PRDM13: variants seen among roughly 807,000 people sequenced by gnomAD.
PRDM13 encodes PR domain zinc finger protein 13.
Under a neutral mutation model 36.4 loss-of-function variants are expected in PRDM13, and 15 were observed. The observed-to-expected ratio is 0.41, with a 90% CI of 0.28 to 0.64. The LOEUF is 0.64. Ranked by LOEUF, PRDM13 falls within the 30% of genes least tolerant of loss-of-function variation. PRDM13 has a pLI of 0.29. For synonymous variants in PRDM13, 531 were observed against 467.7 expected, an observed-to-expected ratio of 1.14 and a Z score of -1.75; for missense variants, 1,044 against 1,013.5, an observed-to-expected ratio of 1.03 and a Z score of -0.41.
In PRDM13 at chr6:99,613,869, G is replaced by T; in HGVS notation, c.1234G>T (p.Ala412Ser). The T allele has an allele frequency of 3.3e-6, 5 of 1,512,980 alleles. No individual in the cohort carries two copies. Among genetic ancestry groups the T allele is most frequent in the Non-Finnish European group, 4.4e-6 (5 of 1,137,938 alleles). 93.7% of individuals were successfully genotyped at this position (1,512,980 alleles called of 1,614,324 possible). Residue 412 changes from alanine (A) to serine (S), a missense_variant, in exon 4 of 4, where the codon GCC (alanine) becomes TCC (serine). Around this residue, in one of 3 missense-constraint regions of PRDM13, gnomAD observed 921 missense variants for 865.2 expected, o/e 1.06. Coordinates refer to ENST00000369215, the MANE Select transcript of PRDM13 (RefSeq NM_021620.4). This position sits in a 1 kb window ranked among gnomAD's most constrained non-coding sequence, Gnocchi z 6.1. ...FKHVERAPPA[A>S]AALPGARYAQ... ...GCACGTGGAGCGCGCCCCGCCCGCA[G>T]CCGCCGCGCTGCCAGGAGCGCGTTA...
Position 99,614,867 on chromosome 6 carries a change from G to T in PRDM13, c.*108G>T, listed in dbSNP as rs972647151. On this transcript the variant is annotated 3_prime_UTR_variant, in exon 4 of 4. Coordinates refer to ENST00000369215, the MANE Select transcript of PRDM13 (RefSeq NM_021620.4). The stretch of plus-strand genomic sequence containing the variant: ...GAAGAGGGACCCAATGGACAAAACC[G>T]TTTTTGTTTTTGAGAGGGCGCCAGA... 73 of 1,392,826 alleles carry T rather than the reference G, an allele frequency of 5.2e-5. 1 individual carries two copies. In the African/African-American group the frequency reaches 9.1e-4, roughly 17 times the overall value. The allele number at this position is 1,392,826 out of a possible 1,614,324, so 86.3% of individuals were successfully genotyped here.
chr6:99,607,607 G>A (rs918528041), intron 1 of PRDM13, among the ~76,000 whole-genome samples: 1 of 152,144 alleles, frequency 6.6e-6, no homozygotes, highest in African/African-American at 2.4e-5. Flanking sequence ...TTAATTTGAG[G>A]CCTAATTTCG....
In PRDM13 at chr6:99,613,514, A is replaced by G. The variant is rs775727311; in HGVS notation, c.879A>G (p.Ser293=). ...GSLAFYPGVR[S]AFKPAGLARA... The stretch of plus-strand genomic sequence containing the variant: ...TGGCTTTCTACCCCGGCGTGCGCTC[A>G]GCTTTCAAGCCCGCCGGCCTAGCGA... The change falls in exon 4 of 4, where the codon TCA becomes TCG. Residue 293 remains serine, a synonymous_variant. Transcript: ENST00000369215. This position sits in a 1 kb window ranked among gnomAD's most constrained non-coding sequence, Gnocchi z 6.1. 1.3e-6 allele frequency: 2 copies of G among 1,508,154 alleles called. No homozygotes were observed. The highest frequency in any genetic ancestry group is 2.5e-5 in the South Asian group (2 of 80,570). 93.4% of individuals were successfully genotyped at this position (1,508,154 alleles called of 1,614,324 possible). A position where few individuals can be genotyped will look rare whatever the true frequency, so the allele number is the denominator to read the frequency against.
chr6:99,614,458 G>A lies in PRDM13; in HGVS notation c.1823G>A (p.Arg608Gln). The A allele has an allele frequency of 6.2e-7, 1 of 1,613,530 alleles. No homozygotes were observed. The highest frequency in any genetic ancestry group is 8.5e-7 in the Non-Finnish European group (1 of 1,180,018). Residue 608 changes from arginine (R) to glutamine (Q), a missense_variant, in exon 4 of 4, where the codon CGG (arginine) becomes CAG (glutamine). Coordinates refer to ENST00000369215, the MANE Select transcript of PRDM13 (RefSeq NM_021620.4). ...YKPLKCKVCLRPFGDPSNLNK... is the reference protein window; with the variant it reads ...YKPLKCKVCLQPFGDPSNLNK... ...CCACTCAAGTGCAAAGTCTGTCTGC[G>A]GCCCTTCGGCGACCCCAGCAATCTC...
rs373509781 is a variant in PRDM13, at chr6:99,609,261, G to C, written c.351G>C (p.Gln117His). 1.9e-6 allele frequency: 3 copies of C among 1,613,912 alleles called. No homozygotes were observed. The highest frequency in any genetic ancestry group is 2.7e-5 in the African/African-American group (2 of 74,886). ...TGTGGTATTCTAACTCCTTGGCTCA[G>C]TGGTTCGACATCCCCACCACAGCGA... ...LTVWYSNSLAQWFDIPTTATP... is the reference protein window; with the variant it reads ...LTVWYSNSLAHWFDIPTTATP... The change falls in exon 3 of 4, where the codon CAG (glutamine) becomes CAC (histidine). Residue 117 changes from glutamine to histidine, a missense_variant. This residue lies in a region of PRDM13 where 921 missense variants were observed against 865.2 expected (regional missense o/e 1.06). Coordinates refer to ENST00000369215, the MANE Select transcript of PRDM13 (RefSeq NM_021620.4).
chr6:99,607,839 A>T (rs1769971129), intron 1 of PRDM13, among the ~76,000 whole-genome samples: 1 of 152,152 alleles, frequency 6.6e-6, no homozygotes, highest in Non-Finnish European at 1.5e-5. Context: ...GGGCTCTGAG[A>T]GTCCAGAGGC....
At chr6:99,608,068 C>T (rs990843534) in intron 1 of PRDM13, among the ~76,000 whole-genome samples, 4 of 152,230 alleles carry the variant, frequency 2.6e-5, no homozygotes, top group African/African-American at 9.6e-5. Context: ...TTGGAGCTTT[C>T]TAGTAAAAAG....
At position 99,614,779 on chromosome 6, in the gene PRDM13, G is replaced by T. The variant is rs201021541; in HGVS notation, c.*20G>T. On this transcript the variant is annotated 3_prime_UTR_variant, in exon 4 of 4. Transcript: ENST00000369215. ...TTGTAACGAGTCTTCCCGGGAAGGG[G>T]CGGGGTGAGGACAGAGAGGAGTCGA... 1.4e-5 allele frequency: 21 copies of T among 1,552,212 alleles called. No individual in the cohort carries two copies. The African/African-American group carries it at 2.9e-4, about 21-fold the overall frequency.
rs75995911 is a variant in PRDM13 at position 99,608,743 on chromosome 6, G to A, written c.147G>A (p.Val49=). The A allele has an allele frequency of 1.9e-5, 31 of 1,606,022 alleles. No homozygotes were observed. In the East Asian group the frequency reaches 5.6e-4, roughly 29 times the overall value. ...DRREPGPKKK[V]RMVRGELVDE... ...AACGACCACTGCTTGTGTTGCAGGT[G>A]CGCATGGTGAGAGGGGAGCTGGTGG... Residue 49 remains valine (V), a splice_region_variant and synonymous_variant, in exon 2 of 4, where the codon GTG becomes GTA. Coordinates refer to ENST00000369215, the MANE Select transcript of PRDM13 (RefSeq NM_021620.4).
intron 3 of PRDM13, among the ~76,000 whole-genome samples, chr6:99,610,917 A>G (rs746553810): frequency 6.6e-6 from 1 of 152,164 alleles, no homozygotes; most frequent in Admixed American, 6.5e-5. Context: ...ATGGTAACAG[A>G]TGTCAAAATA....
chr6:99,614,296 G>A lies in PRDM13; in HGVS notation c.1661G>A (p.Gly554Glu), dbSNP rs779766313. The change falls in exon 4 of 4, where the codon GGA (glycine) becomes GAA (glutamate). Residue 554 changes from glycine to glutamate, a missense_variant. Around this residue, in one of 3 missense-constraint regions of PRDM13, gnomAD observed 921 missense variants for 865.2 expected, o/e 1.06. Transcript: ENST00000369215. ...TTGCCACCGGCCGTCGCGGCGGCGGGAGGCACCGGGGGCGGCGGCAGCGGA... is the reference window on the plus strand; with the variant it reads ...TTGCCACCGGCCGTCGCGGCGGCGGAAGGCACCGGGGGCGGCGGCAGCGGA... ...GTLPPAVAAA[G>E]GTGGGGSGGS... is the part of the protein sequence containing the mutation. The A allele has an allele frequency of 6.2e-7, 1 of 1,605,422 alleles. No homozygotes were observed.
chr6:99,610,769 T>C (rs1770018807), intron 3 of PRDM13, among the ~76,000 whole-genome samples: 1 of 152,202 alleles, frequency 6.6e-6, no homozygotes, highest in Admixed American at 6.5e-5. Context: ...ACTATAGAAT[T>C]TGGCGGGCCA....
chr6:99,614,653 C>A lies in PRDM13; in HGVS notation c.2018C>A (p.Pro673His), dbSNP rs749307538. ...GDGPGAEPGY[P>H]PEPGDPKSDD... Reference sequence around the variant, plus strand: ...GGCCCGGGTGCCGAGCCCGGCTATCCCCCGGAGCCTGGGGATCCCAAGAGC... The same window carrying A: ...GGCCCGGGTGCCGAGCCCGGCTATCACCCGGAGCCTGGGGATCCCAAGAGC... Residue 673 changes from proline (P) to histidine (H), a missense_variant, in exon 4 of 4, where the codon CCC (proline) becomes CAC (histidine). This residue lies in a region of PRDM13 where 115 missense variants were observed against 122.1 expected (regional missense o/e 0.94). Transcript: ENST00000369215. 1 of 1,612,280 alleles carries A rather than the reference C, an allele frequency of 6.2e-7. No homozygotes were observed. Among genetic ancestry groups the A allele is most frequent in the Non-Finnish European group, 8.5e-7 (1 of 1,179,738 alleles).
Position 99,613,748 on chromosome 6 carries a change from C to CCCG in PRDM13, c.1131_1133dup (p.Pro378dup), listed in dbSNP as rs112674667. ...ATCCCAAGTGCCTGCTCGCTGGGGA[C>CCCG]CCGCCGCCGCCGCCGCCGCCTGGCC... On this transcript the variant is annotated inframe_insertion, in exon 4 of 4. Coordinates refer to ENST00000369215, the MANE Select transcript of PRDM13 (RefSeq NM_021620.4). This position sits in a 1 kb window ranked among gnomAD's most constrained non-coding sequence, Gnocchi z 6.1. The CCCG allele has an allele frequency of 0.24, 350,385 of 1,473,660 alleles. 23,578 individuals are homozygous for CCCG. The highest frequency in any genetic ancestry group is 0.36 in the African/African-American group (24,175 of 67,342). 91.3% of individuals were successfully genotyped at this position (1,473,660 alleles called of 1,614,324 possible).
chr6:99,614,266 G>C lies in PRDM13; in HGVS notation c.1631G>C (p.Gly544Ala). The change falls in exon 4 of 4, where the codon GGG becomes GCG. Residue 544 changes from glycine (G) to alanine (A), a missense_variant. Gly to Ala is a moderately conservative substitution (Grantham distance 60). This residue lies in a region of PRDM13 where 921 missense variants were observed against 865.2 expected (regional missense o/e 1.06). Coordinates refer to ENST00000369215, the MANE Select transcript of PRDM13 (RefSeq NM_021620.4). ...AAGGGTCGCGGACGCCTGGACTCGG[G>C]GACGTTGCCACCGGCCGTCGCGGCG... ...AGKGRGRLDSGTLPPAVAAAG... is the reference protein window; with the variant it reads ...AGKGRGRLDSATLPPAVAAAG... The C allele has an allele frequency of 6.2e-7, 1 of 1,608,314 alleles. No homozygotes were observed. The highest frequency in any genetic ancestry group is 8.5e-7 in the Non-Finnish European group (1 of 1,177,936).
intron 3 of PRDM13, among the ~76,000 whole-genome samples, chr6:99,609,897 T>TAA (rs66604892): frequency 3.1e-4 from 44 of 140,750 alleles, no homozygotes; most frequent in African/African-American, 1.2e-3. Flanking sequence ...AATAAATAAA[T>TAA]AAAAATAAAA....
chr6:99,607,509 C>G (rs948510289), intron 1 of PRDM13, among the ~76,000 whole-genome samples: 1 of 152,196 alleles, frequency 6.6e-6, no homozygotes. Flanking sequence ...CACCCCCGCA[C>G]GCTGTCCGCA....
At chr6:99,610,985 C>T (rs913492748) in intron 3 of PRDM13, among the ~76,000 whole-genome samples, 1 of 151,950 alleles carries the variant, frequency 6.6e-6, no homozygotes, top group African/African-American at 2.4e-5. Flanking sequence ...CTGACTTCCC[C>T]AGCTTGGAGA....
Position 99,614,344 on chromosome 6 carries a change from A to G in PRDM13, c.1709A>G (p.Lys570Arg). Residue 570 changes from lysine (K) to arginine (R), a missense_variant, in exon 4 of 4, where the codon AAG becomes AGG. Around this residue, in one of 3 missense-constraint regions of PRDM13, gnomAD observed 921 missense variants for 865.2 expected, o/e 1.06. Transcript: ENST00000369215. ...GGAGGCAGCGGCGCAGGTAAGCCCA[A>G]GACCGGCCACCTGTGCCTCTACTGT... ...GSGGSGAGKP[K>R]TGHLCLYCGK... 1.9e-6 allele frequency: 3 copies of G among 1,611,722 alleles called. No homozygotes were observed. The highest frequency in any genetic ancestry group is 2.5e-6 in the Non-Finnish European group (3 of 1,179,408).
Sources: gnomAD v4.1 joint callset for allele counts (sites outside exome capture counted in the v4.1 genomes callset) on GRCh38, gnomAD v4.1.1 for gene constraint, gnomAD v4.1.1 regional missense constraint, Gnocchi (gnomAD v3.1) non-coding constraint, MANE v1.5 for transcripts, NCBI Gene and HGNC (gene_info 2026-07-23, HGNC 2026-07-21) for gene names.